Variants in PTPRG observed in about 807,000 individuals in gnomAD.
The protein encoded by PTPRG is protein tyrosine phosphatase receptor type G, also known as receptor-type tyrosine-protein phosphatase gamma.
Under a neutral mutation model 165.3 loss-of-function variants are expected in PTPRG, and 102 were observed. The observed-to-expected ratio is 0.62, with a 90% CI of 0.53 to 0.73. PTPRG has a LOEUF of 0.73. Among genes scored for constraint, PTPRG ranks in the 30% least tolerant of loss-of-function variants. PTPRG has a pLI of 0.00. For missense variants in PTPRG, 1,866 were observed against 1,861.4 expected (o/e 1.00, Z -0.05); for synonymous variants, 675 against 669.5 (o/e 1.01, Z -0.13).
At chr3:61,602,192 C>G (rs1388759414) in intron 1 of PTPRG, among the ~76,000 whole-genome samples, 1 of 151,940 alleles carries the variant, frequency 6.6e-6, no homozygotes, top group African/African-American at 2.4e-5. Flanking sequence ...GTACTTCTAG[C>G]CTTTTGGCTG....
intron 8 of PTPRG, among the ~76,000 whole-genome samples, chr3:62,186,713 G>A (rs1699647190): frequency 6.6e-6 from 1 of 151,852 alleles, no homozygotes; most frequent in South Asian, 2.1e-4. Flanking sequence ...CTATAGGTGT[G>A]CGCCACCACA....
intron 3 of PTPRG, among the ~76,000 whole-genome samples, chr3:61,993,637 T>C (rs2040951578): frequency 6.6e-6 from 1 of 152,220 alleles, no homozygotes; most frequent in African/African-American, 2.4e-5. Flanking sequence ...AAATTAAAAG[T>C]TTAATTTAAA....
intron 1 of PTPRG, among the ~76,000 whole-genome samples, chr3:61,723,972 C>T (rs574139448): frequency 3.0e-4 from 45 of 152,290 alleles, no homozygotes; most frequent in Admixed American, 9.2e-4. Flanking sequence ...TGGCTCATGC[C>T]TATAATCCCA....
intron 2 of PTPRG, among the ~76,000 whole-genome samples, chr3:61,864,317 ATC>A (rs2037349303): frequency 1.3e-5 from 2 of 152,286 alleles, no homozygotes; most frequent in South Asian, 4.1e-4. Context: ...GTGTCCTAAT[ATC>A]TCACAGAAAT....
intron 4 of PTPRG, among the ~76,000 whole-genome samples, chr3:62,030,523 C>T (rs1699735341): frequency 6.6e-6 from 1 of 152,070 alleles, no homozygotes; most frequent in South Asian, 2.1e-4. Flanking sequence ...TCAGCTTGGG[C>T]ATGTTTCATG....
At chr3:61,727,210 A>T (rs1226944096) in intron 1 of PTPRG, among the ~76,000 whole-genome samples, 2 of 144,814 alleles carry the variant, frequency 1.4e-5, no homozygotes, top group Admixed American at 6.9e-5. Context: ...TAAAATCATA[A>T]TTTTTTTTTT....
intron 1 of PTPRG, among the ~76,000 whole-genome samples, chr3:61,684,194 C>T (rs1703545702): frequency 6.6e-6 from 1 of 152,162 alleles, no homozygotes; most frequent in Non-Finnish European, 1.5e-5. Context: ...AAGGTGGTCA[C>T]AACTTGTCCT....
rs1172872871 is a variant in PTPRG, at chr3:62,295,363, G to A, written c.*2056G>A. On this transcript the variant is annotated 3_prime_UTR_variant, in exon 30 of 30. Transcript: ENST00000474889. ...TTTTAGATGTATAGAGTATTGATAT[G>A]AGTTAACACTTTTTAGTAGATGGCA... 2.0e-5 allele frequency: 3 copies of A among 152,080 alleles called. No homozygotes were observed. Among genetic ancestry groups the A allele is most frequent in the African/African-American group, 7.2e-5 (3 of 41,422 alleles). 9.4% of individuals were successfully genotyped at this position (152,080 alleles called of 1,614,324 possible).
At chr3:62,064,789 A>C (rs1339648424) in intron 4 of PTPRG, among the ~76,000 whole-genome samples, 1 of 126,860 alleles carries the variant, frequency 7.9e-6, no homozygotes, top group Non-Finnish European at 1.5e-5. Flanking sequence ...CTGGAGTATA[A>C]TGGTGCAATC....
intron 1 of PTPRG, among the ~76,000 whole-genome samples, chr3:61,698,602 C>T (rs901096172): frequency 3.3e-5 from 5 of 152,032 alleles, no homozygotes; most frequent in Admixed American, 6.6e-5. Context: ...GGTTCTGAAA[C>T]CTTTTAATTT....
intron 2 of PTPRG, among the ~76,000 whole-genome samples, chr3:61,875,857 T>C (rs1419908840): frequency 6.6e-6 from 1 of 152,170 alleles, no homozygotes; most frequent in Non-Finnish European, 1.5e-5. Context: ...CTCCGTTTCA[T>C]TTTTGACCCA....
intron 4 of PTPRG, among the ~76,000 whole-genome samples, chr3:62,066,197 A>G (rs953196879): frequency 6.6e-6 from 1 of 152,212 alleles, no homozygotes; most frequent in Non-Finnish European, 1.5e-5. Flanking sequence ...CCCCGAAAAC[A>G]TGACGAGGTG....
At chr3:62,120,004 G>C (rs1703006836) in intron 5 of PTPRG, among the ~76,000 whole-genome samples, 1 of 152,034 alleles carries the variant, frequency 6.6e-6, no homozygotes, top group Non-Finnish European at 1.5e-5. Context: ...ATCATCAAGG[G>C]AGCTTTTCAA....
chr3:61,969,712 A>G (rs1285483691), intron 2 of PTPRG, among the ~76,000 whole-genome samples: 1 of 152,110 alleles, frequency 6.6e-6, no homozygotes, highest in Admixed American at 6.6e-5. Context: ...ACATCTGGTC[A>G]TTGGGACTAA....
intron 14 of PTPRG, among the ~76,000 whole-genome samples, chr3:62,241,295 G>A (rs983195029): frequency 6.6e-6 from 1 of 152,046 alleles, no homozygotes; most frequent in African/African-American, 2.4e-5. Flanking sequence ...ATAAACATTT[G>A]CCAAATCCAT....
Position 62,219,078 on chromosome 3 carries a change from A to T in PTPRG, c.2288+95A>T. The T allele has an allele frequency of 6.7e-7, 1 of 1,487,190 alleles. No individual in the cohort carries two copies. Among genetic ancestry groups the T allele is most frequent in the Non-Finnish European group, 9.1e-7 (1 of 1,098,044 alleles). 92.1% of individuals were successfully genotyped at this position (1,487,190 alleles called of 1,614,324 possible). Reference sequence around the variant, plus strand: ...GAATCCCACGGCCTCTGCATTCAGGAAGGTGAGGTAGCTTAAGTGTTTCTG... The same window carrying T: ...GAATCCCACGGCCTCTGCATTCAGGTAGGTGAGGTAGCTTAAGTGTTTCTG... On this transcript the variant is annotated intron_variant, in intron 13 of 29. Coordinates refer to ENST00000474889, the MANE Select transcript of PTPRG (RefSeq NM_002841.4). The surrounding 1 kb of genome is among the most constrained non-coding windows in gnomAD (Gnocchi z 4.5).
intron 1 of PTPRG, among the ~76,000 whole-genome samples, chr3:61,610,098 C>A (rs1387205967): frequency 6.7e-6 from 1 of 150,318 alleles, no homozygotes; most frequent in East Asian, 1.9e-4. Flanking sequence ...GGGTTTGAAT[C>A]CCAGCATGGC....
At chr3:61,631,533 T>A (rs1006688975) in intron 1 of PTPRG, among the ~76,000 whole-genome samples, 3 of 152,224 alleles carry the variant, frequency 2.0e-5, no homozygotes, top group Non-Finnish European at 2.9e-5. Flanking sequence ...CCACAGTGTA[T>A]ATAGAGCTCA....
chr3:62,173,403 G>A (rs111573621), intron 8 of PTPRG, among the ~76,000 whole-genome samples: 1,738 of 152,142 alleles, frequency 0.011, 14 homozygotes, highest in Middle Eastern at 0.037. Context: ...AATGTCTTGC[G>A]GTAAAGTTTT....
Sources: gnomAD v4.1 joint callset for allele counts (sites outside exome capture counted in the v4.1 genomes callset) on GRCh38, gnomAD v4.1.1 for gene constraint, Gnocchi (gnomAD v3.1) non-coding constraint, MANE v1.5 for transcripts, NCBI Gene and HGNC (gene_info 2026-07-23, HGNC 2026-07-21) for gene names.